The following RALGPS1 variants were observed in gnomAD, a reference collection of about 807,000 sequenced individuals.
The protein encoded by RALGPS1 is ras-specific guanine nucleotide-releasing factor RalGPS1.
A neutral mutation model predicts 78.8 loss-of-function variants in RALGPS1; 19 were observed. That is an observed-to-expected ratio of 0.24 (90% CI 0.17 to 0.35). RALGPS1 has a LOEUF of 0.35. Ranked by LOEUF, RALGPS1 falls within the 10% of genes least tolerant of loss-of-function variation. The pLI, the probability that RALGPS1 is intolerant of heterozygous loss-of-function variation, is 1.00. For synonymous variants in RALGPS1, 228 were observed against 256.3 expected (o/e 0.89, Z 1.06); for missense variants, 454 against 688.3 (o/e 0.66, Z 3.81).
chr9:127,023,763 C>T (rs769626193), intron 4 of RALGPS1, among the ~76,000 whole-genome samples: 7 of 152,116 alleles, frequency 4.6e-5, no homozygotes, highest in African/African-American at 1.4e-4. Flanking sequence ...GGGCTGGGCG[C>T]GGTGGCTCAC....
chr9:126,997,266 GTATATCTAGAAAACCCCATCGTC>G (rs1236996935), intron 4 of RALGPS1, among the ~76,000 whole-genome samples: 1 of 152,166 alleles, frequency 6.6e-6, no homozygotes, highest in Non-Finnish European at 1.5e-5. Flanking sequence ...TGACATGATT[GTATATCTAGAAAACCCCATCGTC>G]TCAGCCCAAA....
chr9:126,982,937 T>TC (rs2041447662), intron 4 of RALGPS1, among the ~76,000 whole-genome samples: 1 of 125,878 alleles, frequency 7.9e-6, no homozygotes, highest in Non-Finnish European at 1.7e-5. Context: ...TCTTTTTTTT[T>TC]TTTTTTTTTT....
intron 8 of RALGPS1, chr9:127,108,135 C>T: frequency 6.2e-7 from 1 of 1,614,000 alleles, no homozygotes; most frequent in Non-Finnish European, 8.5e-7. Flanking sequence ...GCTCCTCAAG[C>T]TGCGCGATGA....
At chr9:127,110,690 A>C (rs2137202296) in intron 8 of RALGPS1, among the ~76,000 whole-genome samples, 1 of 152,192 alleles carries the variant, frequency 6.6e-6, no homozygotes, top group Non-Finnish European at 1.5e-5. Context: ...TGTGTTCATA[A>C]ATGTCCACTC....
chr9:126,949,633 A>G (rs1214304064), intron 1 of RALGPS1, among the ~76,000 whole-genome samples: 1 of 150,236 alleles, frequency 6.7e-6, no homozygotes, highest in African/African-American at 2.4e-5. Flanking sequence ...GTCTGTTCAT[A>G]TCCTTTGCCC....
chr9:127,028,692 A>G (rs1267987116), intron 4 of RALGPS1, among the ~76,000 whole-genome samples: 1 of 152,236 alleles, frequency 6.6e-6, no homozygotes, highest in Non-Finnish European at 1.5e-5. Flanking sequence ...TTTAATGAGC[A>G]CGTTAAAAAT....
Position 127,199,053 on chromosome 9 carries a change from T to C in RALGPS1, c.1234T>C (p.Ser412Pro). 7 of 1,614,068 alleles carry C rather than the reference T, an allele frequency of 4.3e-6. No homozygotes were observed. Among genetic ancestry groups the C allele is most frequent in the Non-Finnish European group, 5.9e-6 (7 of 1,179,946 alleles). The change falls in exon 14 of 19, where the codon TCA becomes CCA. Residue 412 changes from serine to proline, a missense_variant. Coordinates refer to ENST00000259351, the MANE Select transcript of RALGPS1 (RefSeq NM_014636.3). ...CTCAGAGTTTAGTGAAGAGATGTCT[T>C]CAGGGCTGGAAAGGTGAGTGTGGCC... ...ESSEFSEEMS[S>P]GLESPTGPCI...
At chr9:127,147,684 T>C (rs1014026039) in intron 8 of RALGPS1, among the ~76,000 whole-genome samples, 4 of 152,190 alleles carry the variant, frequency 2.6e-5, no homozygotes, top group African/African-American at 9.7e-5. Context: ...GATCAGATGG[T>C]TGTAGGTGTG....
At chr9:127,191,899 G>A (rs943626958) in intron 11 of RALGPS1, among the ~76,000 whole-genome samples, 30 of 152,068 alleles carry the variant, frequency 2.0e-4, no homozygotes, top group East Asian at 3.9e-4. Flanking sequence ...GGGTTTCACC[G>A]TGTCAGCCAG....
chr9:126,967,910 G>A (rs2039685532), intron 3 of RALGPS1, among the ~76,000 whole-genome samples: 1 of 151,934 alleles, frequency 6.6e-6, no homozygotes, highest in African/African-American at 2.4e-5. Context: ...GAACTTATCT[G>A]ACTTGTTCAC....
chr9:127,058,954 G>T (rs868716742), intron 7 of RALGPS1, among the ~76,000 whole-genome samples: 1 of 152,208 alleles, frequency 6.6e-6, no homozygotes, highest in Non-Finnish European at 1.5e-5. Context: ...TAGCTGATGG[G>T]TCAGGAGACC....
In RALGPS1 at chr9:126,970,616, AGT is replaced by A. The variant is rs56406500; in HGVS notation, c.165+4680_165+4681del. ...TAGTTGTGGCAAAAGATGATCTAAG[AGT>A]GTGTGTGTGTGTGTATGTGTGTGAG... On this transcript the variant is annotated intron_variant, in intron 3 of 18. Coordinates refer to ENST00000259351, the MANE Select transcript of RALGPS1 (RefSeq NM_014636.3). 1.9e-3 allele frequency among the ~76,000 whole-genome samples: 287 copies of A among 151,096 alleles called. 1 individual carries two copies. Among genetic ancestry groups the A allele is most frequent in the African/African-American group, 6.5e-3 (269 of 41,284 alleles).
chr9:127,114,860 C>A (rs1469412273), intron 8 of RALGPS1, among the ~76,000 whole-genome samples: 1 of 152,218 alleles, frequency 6.6e-6, no homozygotes, highest in Non-Finnish European at 1.5e-5. Flanking sequence ...GAGCATGAAT[C>A]AAGTTTGTGA....
chr9:126,938,748 A>T (rs1182435604), intron 1 of RALGPS1, among the ~76,000 whole-genome samples: 6 of 152,248 alleles, frequency 3.9e-5, no homozygotes, highest in Non-Finnish European at 8.8e-5. Flanking sequence ...ATGAACACAC[A>T]CTTCACGACA....
chr9:127,164,971 C>T (rs544453786), intron 8 of RALGPS1, among the ~76,000 whole-genome samples: 9 of 152,276 alleles, frequency 5.9e-5, no homozygotes, highest in African/African-American at 2.2e-4. Flanking sequence ...ACCAAAGCCT[C>T]CCTCTATGGT....
intron 9 of RALGPS1, among the ~76,000 whole-genome samples, chr9:127,166,715 G>T (rs1422474285): frequency 6.6e-6 from 1 of 152,120 alleles, no homozygotes; most frequent in Admixed American, 6.5e-5. Context: ...TTGCTGACAG[G>T]GGCTAGGAGA....
At chr9:127,124,545 T>C (rs78683543) in intron 8 of RALGPS1, among the ~76,000 whole-genome samples, 7,895 of 152,224 alleles carry the variant, frequency 0.052, 364 homozygotes, top group Non-Finnish European at 0.071. Flanking sequence ...ACAGGCCCCA[T>C]GCGTATAATA....
intron 6 of RALGPS1, among the ~76,000 whole-genome samples, chr9:127,051,974 A>G: frequency 6.6e-6 from 1 of 152,182 alleles, no homozygotes; most frequent in East Asian, 1.9e-4. Context: ...TGAGACTCAT[A>G]TTGTACTGAG....
At chr9:127,141,616 C>CAAAAAAAAAAAAA (rs61291398) in intron 8 of RALGPS1, among the ~76,000 whole-genome samples, 21 of 68,646 alleles carry the variant, frequency 3.1e-4, no homozygotes, top group South Asian at 6.4e-4. Flanking sequence ...TTTTTAATGG[C>CAAAAAAAAAAAAA]AAAAAAAAAA....
Sources: gnomAD v4.1 joint callset for allele counts (sites outside exome capture counted in the v4.1 genomes callset) on GRCh38, gnomAD v4.1.1 for gene constraint, MANE v1.5 for transcripts, NCBI Gene and HGNC (gene_info 2026-07-23, HGNC 2026-07-21) for gene names.